Variants in GRIK3 observed in about 807,000 individuals in gnomAD.
The protein encoded by GRIK3 is glutamate ionotropic receptor kainate type subunit 3.
Under a neutral mutation model 102.5 loss-of-function variants are expected in GRIK3, and 29 were observed. The ratio of observed to expected loss-of-function variants is 0.28; its 90% confidence interval spans 0.21 to 0.39. The LOEUF (loss-of-function observed/expected upper bound fraction) is 0.39. Ranked by LOEUF, GRIK3 falls within the 10% of genes least tolerant of loss-of-function variation. The probability of loss-of-function intolerance (pLI) is 1.00; values close to 1 mark genes in which losing one functional copy is unlikely to be tolerated. For synonymous variants in GRIK3, 511 were observed against 504.9 expected (o/e 1.01, Z -0.16); for missense variants, 908 against 1,252.4 (o/e 0.73, Z 4.15).
chr1:36,827,552 G>GTT (rs1205434845), intron 10 of GRIK3, among the ~76,000 whole-genome samples: 1 of 152,184 alleles, frequency 6.6e-6, no homozygotes, highest in Non-Finnish European at 1.5e-5. Context: ...ACAGACACCA[G>GTT]GGATACAGAG....
intron 1 of GRIK3, among the ~76,000 whole-genome samples, chr1:36,992,120 C>A (rs1272105096): frequency 6.6e-6 from 1 of 152,218 alleles, no homozygotes; most frequent in East Asian, 1.9e-4. Context: ...TTACTCATAT[C>A]TCTAAGGATT....
chr1:36,944,474 A>G (rs561184901), intron 1 of GRIK3, among the ~76,000 whole-genome samples: 3 of 152,230 alleles, frequency 2.0e-5, no homozygotes, highest in African/African-American at 7.2e-5. Context: ...GATACCAGAG[A>G]AGAGGGGAGG....
At chr1:36,851,081 G>C (rs1640579359) in intron 8 of GRIK3, among the ~76,000 whole-genome samples, 2 of 152,202 alleles carry the variant, frequency 1.3e-5, no homozygotes, top group Admixed American at 6.5e-5. Flanking sequence ...ACTCTGGCCA[G>C]CTCTGCCTGG....
At chr1:36,937,038 C>T (rs1227666618) in intron 1 of GRIK3, among the ~76,000 whole-genome samples, 1 of 152,194 alleles carries the variant, frequency 6.6e-6, no homozygotes, top group African/African-American at 2.4e-5. Flanking sequence ...TCGGGCTGTC[C>T]TCTCCACCAG....
chr1:37,002,675 T>C (rs957208029), intron 1 of GRIK3, among the ~76,000 whole-genome samples: 31 of 151,064 alleles, frequency 2.1e-4, no homozygotes, highest in Non-Finnish European at 3.3e-4. Context: ...TCTTTCTTTT[T>C]TTTTTTTTTT....
chr1:36,954,923 G>A (rs750385180), intron 1 of GRIK3, among the ~76,000 whole-genome samples: 5 of 152,338 alleles, frequency 3.3e-5, no homozygotes, highest in African/African-American at 7.2e-5. Context: ...GCACATGCAC[G>A]TTCACACACA....
intron 1 of GRIK3, among the ~76,000 whole-genome samples, chr1:37,012,150 G>C (rs934804554): frequency 1.3e-5 from 2 of 152,240 alleles, no homozygotes; most frequent in African/African-American, 4.8e-5. Flanking sequence ...CTTCCTTTGT[G>C]TGGGAACGAG....
At chr1:37,028,541 G>C (rs745341013) in intron 1 of GRIK3, among the ~76,000 whole-genome samples, 1 of 152,186 alleles carries the variant, frequency 6.6e-6, no homozygotes, top group Non-Finnish European at 1.5e-5. Context: ...CTGAAAACTA[G>C]TGCTAGTGGA....
rs751127787 is a variant in GRIK3 at position 36,880,714 on chromosome 1, G to A, written c.470C>T (p.Ala157Val). 2 of 1,614,004 alleles carry A rather than the reference G, an allele frequency of 1.2e-6. No individual in the cohort carries two copies. The highest frequency in any genetic ancestry group is 2.7e-5 in the African/African-American group (2 of 74,926). The change falls in exon 3 of 16, where the codon GCC becomes GTC. Residue 157 changes from alanine to valine, a missense_variant. Ala to Val is a moderately conservative substitution (Grantham distance 64, BLOSUM62 0). This residue lies in a region of GRIK3 where 585 missense variants were observed against 824.9 expected (regional missense o/e 0.71). Coordinates refer to ENST00000373091, the MANE Select transcript of GRIK3 (RefSeq NM_000831.4). The surrounding 1 kb of genome is among the most constrained non-coding windows in gnomAD (Gnocchi z 5.4). ...GTCGAGGATGGCATGGCTGAGCGAG[G>A]CGTAGTCGGGGTAGAGGTTCACGTA... is the stretch of plus-strand genomic sequence containing the variant. ...TFYVNLYPDY[A>V]SLSHAILDLV...
At chr1:36,961,776 T>G (rs1642012874) in intron 1 of GRIK3, among the ~76,000 whole-genome samples, 1 of 152,232 alleles carries the variant, frequency 6.6e-6, no homozygotes, top group African/African-American at 2.4e-5. Context: ...GTCACATCTC[T>G]TTGTTCTCCA....
chr1:36,916,437 C>T (rs1641401533), intron 1 of GRIK3, among the ~76,000 whole-genome samples: 1 of 152,170 alleles, frequency 6.6e-6, no homozygotes, highest in African/African-American at 2.4e-5. Flanking sequence ...TGTTAATCCC[C>T]AAGACAATGG....
At chr1:36,990,507 T>C (rs1570849814) in intron 1 of GRIK3, among the ~76,000 whole-genome samples, 1 of 152,140 alleles carries the variant, frequency 6.6e-6, no homozygotes, top group Non-Finnish European at 1.5e-5. Flanking sequence ...TGGCAAGAAG[T>C]TCTGGAAAAG....
At chr1:36,869,667 G>A in intron 5 of GRIK3, 81 bp downstream of exon 5, 1 of 1,077,246 alleles carries the variant, frequency 9.3e-7, no homozygotes, top group Non-Finnish European at 1.4e-6. Flanking sequence ...TCTTCAGTGG[G>A]CTGGCCCAGG....
At chr1:36,860,289 C>T (rs1307524469) in intron 5 of GRIK3, among the ~76,000 whole-genome samples, 1 of 152,168 alleles carries the variant, frequency 6.6e-6, no homozygotes, top group African/African-American at 2.4e-5. Context: ...GGGGTTCAAT[C>T]CCCTTTCTAG....
At chr1:36,940,473 A>G (rs116466907) in intron 1 of GRIK3, among the ~76,000 whole-genome samples, 65 of 152,266 alleles carry the variant, frequency 4.3e-4, no homozygotes, top group African/African-American at 1.5e-3. Context: ...ACTTTCATTT[A>G]CCCACTTTAC....
chr1:37,013,807 A>T (rs186201867), intron 1 of GRIK3, among the ~76,000 whole-genome samples: 1 of 152,356 alleles, frequency 6.6e-6, no homozygotes, highest in East Asian at 1.9e-4. Flanking sequence ...AAGGGTCTAC[A>T]GTGTGAGGCT....
intron 1 of GRIK3, among the ~76,000 whole-genome samples, chr1:36,943,639 A>G (rs1311876975): frequency 6.6e-6 from 1 of 152,262 alleles, no homozygotes. Context: ...AACTCCTGAC[A>G]AAAGTAGACA....
intron 1 of GRIK3, among the ~76,000 whole-genome samples, chr1:36,946,969 T>C (rs1365060897): frequency 6.6e-6 from 1 of 151,954 alleles, no homozygotes; most frequent in Non-Finnish European, 1.5e-5. Flanking sequence ...AAGAAACACA[T>C]GTGAGATGAA....
chr1:36,849,415 C>G (rs1227643184), intron 9 of GRIK3, among the ~76,000 whole-genome samples: 1 of 152,188 alleles, frequency 6.6e-6, no homozygotes, highest in African/African-American at 2.4e-5. Flanking sequence ...AGGAATGACC[C>G]CAGCATATGG....
Sources: allele counts gnomAD v4.1 joint callset (sites outside exome capture counted in the v4.1 genomes callset), GRCh38; gene constraint gnomAD v4.1.1; regional missense constraint gnomAD v4.1.1; non-coding constraint Gnocchi (gnomAD v3.1); transcripts MANE v1.5; gene names NCBI Gene and HGNC (gene_info 2026-07-23, HGNC 2026-07-21).